KLF7: variants seen among roughly 807,000 people sequenced by gnomAD.
The protein encoded by KLF7 is Krueppel-like factor 7.
A neutral mutation model predicts 27.3 loss-of-function variants in KLF7; 2 were observed. That is an observed-to-expected ratio of 0.07 (90% CI 0.03 to 0.23). The LOEUF (loss-of-function observed/expected upper bound fraction) is 0.23, where lower values mean the gene tolerates loss of function less well. KLF7 is among the 10% of genes least tolerant of loss of function. KLF7 has a pLI of 1.00. For synonymous variants in KLF7, 165 were observed against 162.4 expected (o/e 1.02, Z -0.12); for missense variants, 221 against 394.1 (o/e 0.56, Z 3.72).
At position 207,124,056 on chromosome 2, in the gene KLF7, T is replaced by C. The variant is rs201827394; in HGVS notation, c.451A>G (p.Thr151Ala). The C allele has an allele frequency of 1.4e-4, 225 of 1,613,670 alleles. No homozygotes were observed. Among genetic ancestry groups the C allele is most frequent in the Admixed American group, 5.7e-4 (34 of 59,966 alleles). The change falls in exon 2 of 4, where the codon ACC becomes GCC. Residue 151 changes from threonine to alanine, a missense_variant. Thr to Ala is a moderately conservative substitution (Grantham distance 58, BLOSUM62 0). Coordinates refer to ENST00000309446, the MANE Select transcript of KLF7 (RefSeq NM_003709.4). ...TCCACGGCAGAGAGAGTTTGTGAGG[T>C]TTTGACCAGATGGCGGCTGAGCTCA... is the stretch of plus-strand genomic sequence containing the variant. Reference protein sequence around the residue: ...SPELSRHLVKTSQTLSAVDGT... With the variant: ...SPELSRHLVKASQTLSAVDGT...
Position 207,078,221 on chromosome 2 carries a change from T to C in KLF7, c.*2992A>G, listed in dbSNP as rs2076209945. ...CATCCACTTAGCACCCACCAAATTC[T>C]TAGGCCAATTCTCACAGTCAACAAA... is the stretch of plus-strand genomic sequence containing the variant. On this transcript the variant is annotated 3_prime_UTR_variant, in exon 4 of 4. Coordinates refer to ENST00000309446, the MANE Select transcript of KLF7 (RefSeq NM_003709.4). 2 of 152,334 alleles carry C rather than the reference T, an allele frequency of 1.3e-5. No homozygotes were observed. Among genetic ancestry groups the C allele is most frequent in the South Asian group, 4.1e-4 (2 of 4,826 alleles). The allele number at this position is 152,334 out of a possible 1,614,324, so 9.4% of individuals were successfully genotyped here. A position where few individuals can be genotyped will look rare whatever the true frequency, so the allele number is the denominator to read the frequency against.
chr2:207,166,709 A>C, upstream of KLF7: 1 of 763,162 alleles, frequency 1.3e-6, no homozygotes, highest in Non-Finnish European at 1.6e-6. Flanking sequence ...CCGCCTGGGC[A>C]CGGGGCAGGG....
In KLF7 at chr2:207,107,094, G is replaced by A. The variant is rs949091226; in HGVS notation, c.733+16680C>T. On this transcript the variant is annotated intron_variant, in intron 2 of 3. Coordinates refer to ENST00000309446, the MANE Select transcript of KLF7 (RefSeq NM_003709.4). ...AGGCTTTCTCTTCCACTCCAGCCACGTCAATACCTGCCCCGTAGGAAGGGA... is the reference window on the plus strand; with the variant it reads ...AGGCTTTCTCTTCCACTCCAGCCACATCAATACCTGCCCCGTAGGAAGGGA... 4.6e-5 allele frequency among the ~76,000 whole-genome samples: 7 copies of A among 152,250 alleles called. No homozygotes were observed. In the South Asian group the frequency reaches 6.2e-4, roughly 14 times the overall value.
At chr2:207,167,035 T>C (rs1348234291), upstream of KLF7, 3 of 992,992 alleles carry the variant, frequency 3.0e-6, no homozygotes, top group African/African-American at 1.7e-5. Context: ...GCAAGGGGCC[T>C]GTTGCTCGAC....
intron 2 of KLF7, among the ~76,000 whole-genome samples, chr2:207,119,072 C>A (rs551614294): frequency 6.6e-6 from 1 of 152,140 alleles, no homozygotes; most frequent in Non-Finnish European, 1.5e-5. Context: ...TTATATTGTT[C>A]GGGACAAAAT....
At chr2:207,102,394 G>T (rs1001771118) in intron 2 of KLF7, among the ~76,000 whole-genome samples, 19 of 151,976 alleles carry the variant, frequency 1.3e-4, no homozygotes, top group African/African-American at 3.9e-4. Flanking sequence ...TTTGGAAGGG[G>T]GAAAAAGAGG....
At chr2:207,095,055 T>G (rs1331548303) in intron 2 of KLF7, among the ~76,000 whole-genome samples, 1 of 145,110 alleles carries the variant, frequency 6.9e-6, no homozygotes, top group Non-Finnish European at 1.5e-5. Context: ...TTTTTTTTTT[T>G]TCTGAGACGG....
intron 3 of KLF7, among the ~76,000 whole-genome samples, chr2:207,083,791 A>G (rs1559108425): frequency 6.6e-6 from 1 of 152,230 alleles, no homozygotes; most frequent in Non-Finnish European, 1.5e-5. Flanking sequence ...ACGGTTCTTA[A>G]AAGTGGGAGA....
intron 3 of KLF7, among the ~76,000 whole-genome samples, chr2:207,085,074 A>C (rs2076355250): frequency 6.7e-6 from 1 of 149,694 alleles, no homozygotes; most frequent in South Asian, 2.2e-4. Context: ...AGGCAGGAGA[A>C]TCGCCTGAAC....
chr2:207,105,266 G>A (rs1462183938), intron 2 of KLF7, among the ~76,000 whole-genome samples: 4 of 152,230 alleles, frequency 2.6e-5, no homozygotes, highest in Non-Finnish European at 5.9e-5. Flanking sequence ...CCTTTCTGAA[G>A]GGTAGGTACT....
chr2:207,170,470 G>A (rs1484924254), upstream of KLF7, among the ~76,000 whole-genome samples: 1 of 152,132 alleles, frequency 6.6e-6, no homozygotes, highest in African/African-American at 2.4e-5. Context: ...TAAAATCATT[G>A]ATAAGGGTAG....
chr2:207,110,636 G>A (rs2077010303), intron 2 of KLF7, among the ~76,000 whole-genome samples: 1 of 152,202 alleles, frequency 6.6e-6, no homozygotes, highest in Non-Finnish European at 1.5e-5. Flanking sequence ...TGAGGCTCAG[G>A]AAGAGTCACA....
At chr2:207,160,478 T>C (rs549558550) in intron 1 of KLF7, among the ~76,000 whole-genome samples, 105 of 152,308 alleles carry the variant, frequency 6.9e-4, no homozygotes, top group Non-Finnish European at 1.0e-3. Context: ...TAAAAGCCCA[T>C]TGCACAATAC....
chr2:207,118,003 A>C (rs769932507), intron 2 of KLF7, among the ~76,000 whole-genome samples: 19 of 152,252 alleles, frequency 1.2e-4, no homozygotes, highest in Non-Finnish European at 1.8e-4. Flanking sequence ...TCGCAGAAAG[A>C]CTGAAGAACA....
At chr2:207,169,692 T>C (rs1228461605), upstream of KLF7, among the ~76,000 whole-genome samples, 2 of 152,336 alleles carry the variant, frequency 1.3e-5, no homozygotes, top group East Asian at 3.9e-4. Context: ...CCACTTTATG[T>C]CTCTGTGTAA....
intron 1 of KLF7, 103 bp downstream of exon 1, chr2:207,165,364 G>C (rs1166703561): frequency 2.0e-6 from 3 of 1,513,446 alleles, no homozygotes; most frequent in Non-Finnish European, 2.7e-6. Flanking sequence ...AGAAAAAAAA[G>C]TCAAACAAAC....
At chr2:207,094,690 C>G (rs1220795237) in intron 2 of KLF7, among the ~76,000 whole-genome samples, 1 of 152,198 alleles carries the variant, frequency 6.6e-6, no homozygotes, top group African/African-American at 2.4e-5. Context: ...TCAATGTCTT[C>G]TCAACCTGTA....
intron 1 of KLF7, among the ~76,000 whole-genome samples, chr2:207,142,346 C>T (rs925825504): frequency 2.6e-5 from 4 of 152,110 alleles, no homozygotes; most frequent in Admixed American, 2.6e-4. Context: ...CCTTTCAGGG[C>T]AGGGTCTGTT....
At chr2:207,152,303 ACACACACG>A (rs1264689092) in intron 1 of KLF7, among the ~76,000 whole-genome samples, 1 of 150,920 alleles carries the variant, frequency 6.6e-6, no homozygotes, top group African/African-American at 2.5e-5. Flanking sequence ...ACACACACAC[ACACACACG>A]GAGTTTTTAC....
Sources: allele counts gnomAD v4.1 joint callset (sites outside exome capture counted in the v4.1 genomes callset), GRCh38; gene constraint gnomAD v4.1.1; transcripts MANE v1.5; gene names NCBI Gene and HGNC (gene_info 2026-07-23, HGNC 2026-07-21).